RPS6KC1: variants seen among roughly 807,000 people sequenced by gnomAD.
RPS6KC1 encodes ribosomal protein S6 kinase C1, also known as inactive ribosomal protein S6 kinase delta-1.
A neutral mutation model predicts 103.8 loss-of-function variants in RPS6KC1; 54 were observed. That is an observed-to-expected ratio of 0.52 (90% CI 0.42 to 0.65). The LOEUF (loss-of-function observed/expected upper bound fraction) is 0.65. Ranked by LOEUF, RPS6KC1 falls within the 30% of genes least tolerant of loss-of-function variation. RPS6KC1 has a pLI of 0.00. For synonymous variants in RPS6KC1, 439 were observed against 438.7 expected, an observed-to-expected ratio of 1.00 and a Z score of -0.01; for missense variants, 1,151 against 1,253.8, an observed-to-expected ratio of 0.92 and a Z score of 1.24.
chr1:213,606,131 A>T, the RPS6KC1 span, among the ~76,000 whole-genome samples: 1 of 152,228 alleles, frequency 6.6e-6, no homozygotes, highest in Non-Finnish European at 1.5e-5. Context: ...GTCTTGGTAT[A>T]TTCACAAAAG....
intron 4 of RPS6KC1, among the ~76,000 whole-genome samples, chr1:213,116,299 A>G (rs2083601379): frequency 1.3e-5 from 2 of 150,274 alleles, no homozygotes; most frequent in Admixed American, 1.3e-4. Flanking sequence ...TCCCTTTACC[A>G]TTATGTAATG....
the RPS6KC1 span, among the ~76,000 whole-genome samples, chr1:213,482,554 T>TTTTG: frequency 8.2e-6 from 1 of 121,858 alleles, no homozygotes; most frequent in Non-Finnish European, 1.8e-5. Flanking sequence ...TTTTTTTTTT[T>TTTTG]TTTTTTTTTT....
chr1:213,604,136 A>C, the RPS6KC1 span, among the ~76,000 whole-genome samples: 7 of 152,110 alleles, frequency 4.6e-5, no homozygotes, highest in African/African-American at 1.7e-4. Context: ...AATCAGCTAG[A>C]CTCTGCCCAG....
the RPS6KC1 span, among the ~76,000 whole-genome samples, chr1:213,568,089 C>T: frequency 6.6e-6 from 1 of 152,182 alleles, no homozygotes; most frequent in African/African-American, 2.4e-5. Flanking sequence ...ACATGAGACT[C>T]CTGTATCTCA....
At chr1:213,219,144 A>G (rs1230272225) in intron 8 of RPS6KC1, among the ~76,000 whole-genome samples, 1 of 152,222 alleles carries the variant, frequency 6.6e-6, no homozygotes, top group Non-Finnish European at 1.5e-5. Context: ...AGAATCTACA[A>G]TGAACTCCAA....
chr1:213,559,267 C>T, the RPS6KC1 span, among the ~76,000 whole-genome samples: 120 of 152,268 alleles, frequency 7.9e-4, no homozygotes, highest in African/African-American at 2.8e-3. Context: ...GACTCATGGC[C>T]ACCACACTGC....
chr1:213,302,315 G>A, the RPS6KC1 span, among the ~76,000 whole-genome samples: 2 of 152,290 alleles, frequency 1.3e-5, no homozygotes, highest in Admixed American at 1.3e-4. Flanking sequence ...GGTTTCTGCA[G>A]CTATTGTGTT....
rs78152955 is a variant in RPS6KC1 at position 213,212,481 on chromosome 1, A to G, written c.1045-18016A>G. Among the ~76,000 whole-genome samples the G allele has an allele frequency of 9.3e-4, 142 of 152,260 alleles. 3 individuals carry two copies. In the East Asian group the frequency reaches 0.013, roughly 14 times the overall value. On this transcript the variant is annotated intron_variant, in intron 8 of 14. Coordinates refer to ENST00000366960, the MANE Select transcript of RPS6KC1 (RefSeq NM_012424.6). ...ATGACCCCAGTTTACCCATTCACCT[A>G]TTGAAGGATGTTTTGGTTGCTTCCA...
At chr1:213,454,298 C>G in the RPS6KC1 span, among the ~76,000 whole-genome samples, 8 of 152,240 alleles carry the variant, frequency 5.3e-5, no homozygotes, top group South Asian at 2.1e-4. Flanking sequence ...CAATCTGACA[C>G]CCCTTCAAGG....
the RPS6KC1 span, among the ~76,000 whole-genome samples, chr1:213,842,431 T>C: frequency 1.3e-5 from 2 of 152,330 alleles, 1 homozygote; most frequent in South Asian, 4.1e-4. Context: ...GAGAGATATT[T>C]TGGGGGAGTC....
chr1:213,503,647 A>G, the RPS6KC1 span, among the ~76,000 whole-genome samples: 1 of 152,218 alleles, frequency 6.6e-6, no homozygotes, highest in Non-Finnish European at 1.5e-5. Context: ...CTATTTCTAT[A>G]TCTAGAGATT....
At chr1:213,677,808 C>A in the RPS6KC1 span, among the ~76,000 whole-genome samples, 2 of 152,034 alleles carry the variant, frequency 1.3e-5, no homozygotes, top group African/African-American at 4.8e-5. Flanking sequence ...GAGTTCGAGA[C>A]CAGCCTGGCC....
At chr1:213,167,351 C>G (rs1572969113) in intron 6 of RPS6KC1, among the ~76,000 whole-genome samples, 2 of 151,724 alleles carry the variant, frequency 1.3e-5, no homozygotes, top group Admixed American at 1.3e-4. Flanking sequence ...GAAATTATCT[C>G]TTTATTATAA....
At chr1:213,850,818 T>C in the RPS6KC1 span, among the ~76,000 whole-genome samples, 1 of 151,398 alleles carries the variant, frequency 6.6e-6, no homozygotes, top group Non-Finnish European at 1.5e-5. Flanking sequence ...TTAATCTTGA[T>C]ATAAAAACTC....
the RPS6KC1 span, among the ~76,000 whole-genome samples, chr1:213,309,787 C>T: frequency 6.6e-6 from 1 of 151,964 alleles, no homozygotes; most frequent in Non-Finnish European, 1.5e-5. Flanking sequence ...CGGGTTCAAG[C>T]GATTCTCCCA....
chr1:213,146,423 A>ATTT (rs1269987456), intron 6 of RPS6KC1, among the ~76,000 whole-genome samples: 1 of 138,934 alleles, frequency 7.2e-6, no homozygotes, highest in Non-Finnish European at 1.6e-5. Context: ...TGGGATTGCA[A>ATTT]TTTTTTTTTT....
chr1:213,117,852 G>C (rs910713110), intron 5 of RPS6KC1, among the ~76,000 whole-genome samples: 1 of 151,162 alleles, frequency 6.6e-6, no homozygotes, highest in African/African-American at 2.4e-5. Context: ...GTGAAACCCT[G>C]TCTCTACTAA....
the RPS6KC1 span, among the ~76,000 whole-genome samples, chr1:213,367,278 T>A: frequency 6.6e-6 from 1 of 152,212 alleles, no homozygotes; most frequent in African/African-American, 2.4e-5. Context: ...TTTTACTGGG[T>A]TGATGTTGAC....
the RPS6KC1 span, among the ~76,000 whole-genome samples, chr1:213,734,109 T>G: frequency 2.6e-5 from 4 of 152,210 alleles, no homozygotes; most frequent in African/African-American, 9.6e-5. Context: ...TAATTTACAA[T>G]TCTCTTTAGA....
Sources: gnomAD v4.1 joint callset for allele counts (sites outside exome capture counted in the v4.1 genomes callset) on GRCh38, gnomAD v4.1.1 for gene constraint, MANE v1.5 for transcripts, NCBI Gene and HGNC (gene_info 2026-07-23, HGNC 2026-07-21) for gene names.